SLIT1: variants seen among roughly 807,000 people sequenced by gnomAD.
SLIT1 encodes the protein slit homolog 1 protein.
Under a neutral mutation model 186.1 loss-of-function variants are expected in SLIT1, and 66 were observed. The observed-to-expected ratio is 0.35, with a 90% CI of 0.29 to 0.44. SLIT1 has a LOEUF of 0.44. Ranked by LOEUF, SLIT1 falls within the 20% of genes least tolerant of loss-of-function variation. SLIT1 has a pLI of 1.00. For synonymous variants in SLIT1, 761 were observed against 833.8 expected, an observed-to-expected ratio of 0.91 and a Z score of 1.50; for missense variants, 1,638 against 2,037.4, an observed-to-expected ratio of 0.80 and a Z score of 3.77.
In SLIT1 at chr10:97,065,136, CTA is replaced by C. The variant is rs1491256291; in HGVS notation, c.486-262_486-261del. On this transcript the variant is annotated intron_variant, in intron 5 of 36. Transcript: ENST00000266058. Reference sequence around the variant, plus strand: ...TATCCCCTGGGGAGCAGGCACCCCCCTACACACACACACACACACACACACAC... The same window carrying C: ...TATCCCCTGGGGAGCAGGCACCCCCCCACACACACACACACACACACACAC... Among the ~76,000 whole-genome samples, 10 of 129,906 alleles carry C rather than the reference CTA, an allele frequency of 7.7e-5. 1 individual carries two copies. Among genetic ancestry groups the C allele is most frequent in the African/African-American group, 3.6e-4 (10 of 27,804 alleles). The allele number at this position is 129,906 out of a possible 152,430, so 85.2% of individuals were successfully genotyped here.
Position 97,132,556 on chromosome 10 carries a change from T to C in SLIT1, c.413+25262A>G, listed in dbSNP as rs189873428. ...CTCCCATCCCAGGTTGCCAACCCAG[T>C]CATCAGCCCATTGCCACCACCCTCT... On this transcript the variant is annotated intron_variant, in intron 4 of 36. Transcript: ENST00000266058. Among the ~76,000 whole-genome samples, 321 of 152,216 alleles carry C rather than the reference T, an allele frequency of 2.1e-3. 1 individual carries two copies. The highest frequency in any genetic ancestry group is 0.01 in the Middle Eastern group (3 of 294).
chr10:97,063,637 G>A lies in SLIT1; in HGVS notation c.630-19C>T, dbSNP rs1233296941. Reference sequence around the variant, plus strand: ...CAGGCGGCTGCAAGAGGACAGGATGGCTCACAACCCATCTGGATCCCCCAG... The same window carrying A: ...CAGGCGGCTGCAAGAGGACAGGATGACTCACAACCCATCTGGATCCCCCAG... On this transcript the variant is annotated intron_variant, in intron 7 of 36. Coordinates refer to ENST00000266058, the MANE Select transcript of SLIT1 (RefSeq NM_003061.3). 5.1e-6 allele frequency: 8 copies of A among 1,576,214 alleles called. No individual in the cohort carries two copies. The highest frequency in any genetic ancestry group is 6.0e-6 in the Non-Finnish European group (7 of 1,160,458).
At chr10:97,127,575 G>A (rs561208221) in intron 4 of SLIT1, among the ~76,000 whole-genome samples, 4 of 152,178 alleles carry the variant, frequency 2.6e-5, no homozygotes, top group South Asian at 2.1e-4. Flanking sequence ...CAGGAACCAC[G>A]TCCTCTGGGC....
chr10:97,138,814 A>C (rs1204263565), intron 4 of SLIT1, among the ~76,000 whole-genome samples: 1 of 152,208 alleles, frequency 6.6e-6, no homozygotes, highest in Non-Finnish European at 1.5e-5. Flanking sequence ...TGTGAAATAC[A>C]ATGTTTCACT....
intron 4 of SLIT1, among the ~76,000 whole-genome samples, chr10:97,123,601 C>T (rs1352633162): frequency 2.6e-5 from 4 of 151,988 alleles, no homozygotes; most frequent in Non-Finnish European, 1.5e-5. Context: ...ACCAGCCTGG[C>T]CAACATGTCA....
intron 4 of SLIT1, among the ~76,000 whole-genome samples, chr10:97,146,723 C>G (rs545028977): frequency 6.6e-6 from 1 of 152,318 alleles, no homozygotes; most frequent in Admixed American, 6.5e-5. Flanking sequence ...ATCCATGAAG[C>G]TGGAGCCCAG....
intron 4 of SLIT1, among the ~76,000 whole-genome samples, chr10:97,112,105 C>T (rs1272062061): frequency 6.6e-6 from 1 of 152,218 alleles, no homozygotes; most frequent in African/African-American, 2.4e-5. Context: ...CAAGGCTACA[C>T]AGGCTGTTCC....
rs535510501 is a variant in SLIT1, at chr10:97,043,951, T to C, written c.1854-438A>G. Among the ~76,000 whole-genome samples the C allele has an allele frequency of 2.8e-4, 42 of 152,090 alleles. No individual in the cohort carries two copies. The highest frequency in any genetic ancestry group is 4.6e-4 in the Non-Finnish European group (31 of 67,976). ...CATGCTCGAACTCCTTACTGTGACC[T>C]GAGACCATGTCTACCCAGACCCGGA... On this transcript the variant is annotated intron_variant, in intron 18 of 36. Coordinates refer to ENST00000266058, the MANE Select transcript of SLIT1 (RefSeq NM_003061.3). This position sits in a 1 kb window ranked among gnomAD's most constrained non-coding sequence, Gnocchi z 7.0.
intron 1 of SLIT1, among the ~76,000 whole-genome samples, chr10:97,172,965 A>AAGAG (rs1170851405): frequency 6.6e-6 from 1 of 151,176 alleles, no homozygotes; most frequent in Non-Finnish European, 1.5e-5. Context: ...GAAGTTTAGA[A>AAGAG]AGAGAGAGAG....
rs751984745 is a variant in SLIT1, at chr10:97,164,937, C to A, written c.198-47G>T. The stretch of plus-strand genomic sequence containing the variant: ...GAAGCAGTGGGGTGAGCAGGGTAAG[C>A]CCCCAGGCCAGGGGCCCTGCTCCAG... On this transcript the variant is annotated intron_variant, in intron 1 of 36. Coordinates refer to ENST00000266058, the MANE Select transcript of SLIT1 (RefSeq NM_003061.3). 3 of 1,479,868 alleles carry A rather than the reference C, an allele frequency of 2.0e-6. No homozygotes were observed. The South Asian group carries it at 3.4e-5, about 17-fold the overall frequency. 91.7% of individuals were successfully genotyped at this position (1,479,868 alleles called of 1,614,324 possible). A position where few individuals can be genotyped will look rare whatever the true frequency, so the allele number is the denominator to read the frequency against.
intron 28 of SLIT1, among the ~76,000 whole-genome samples, chr10:97,015,902 G>GA (rs202189474): frequency 2.8e-4 from 43 of 151,470 alleles, no homozygotes; most frequent in Non-Finnish European, 5.6e-4. Context: ...TATTTGGTTA[G>GA]AAAAAAAAGA....
chr10:97,002,174 G>T lies in SLIT1; in HGVS notation c.4350C>A (p.Gly1450=). ...GCCCCTGACCTTGCTCACACAGCTC[G>T]CCCGAAAAGCCGGGGTCACACACAC... ...AHCVCDPGFS[G]ELCEQESECR... The change falls in exon 36 of 37, where the codon GGC becomes GGA. Residue 1450 remains glycine, a synonymous_variant. Transcript: ENST00000266058. 1.3e-6 allele frequency: 2 copies of T among 1,483,468 alleles called. No individual in the cohort carries two copies. Among genetic ancestry groups the T allele is most frequent in the Non-Finnish European group, 1.8e-6 (2 of 1,110,218 alleles). The allele number at this position is 1,483,468 out of a possible 1,614,324, so 91.9% of individuals were successfully genotyped here.
intron 8 of SLIT1, among the ~76,000 whole-genome samples, chr10:97,061,132 G>A (rs972281661): frequency 2.0e-5 from 3 of 152,236 alleles, no homozygotes; most frequent in African/African-American, 4.8e-5. Context: ...TCTCTCCCAT[G>A]AGGGTGATAA....
intron 31 of SLIT1, among the ~76,000 whole-genome samples, chr10:97,007,850 G>A (rs961604818): frequency 3.3e-5 from 5 of 152,154 alleles, no homozygotes; most frequent in Non-Finnish European, 5.9e-5. Context: ...AATAATGAGA[G>A]ACTGAATTTT....
intron 35 of SLIT1, 117 bp from the exon 36 acceptor site, chr10:97,002,486 T>C: frequency 1.3e-6 from 1 of 752,668 alleles, no homozygotes; most frequent in South Asian, 1.9e-5. Context: ...AGGTCTTTAA[T>C]CTGTTCCCAA....
At chr10:97,134,419 GCA>G (rs1445174814) in intron 4 of SLIT1, among the ~76,000 whole-genome samples, 2 of 152,130 alleles carry the variant, frequency 1.3e-5, no homozygotes, top group East Asian at 3.8e-4. Context: ...CCTGGGAAAA[GCA>G]CACACAGTTT....
intron 4 of SLIT1, among the ~76,000 whole-genome samples, chr10:97,130,434 G>A (rs1849642318): frequency 6.6e-6 from 1 of 152,212 alleles, no homozygotes; most frequent in Admixed American, 6.5e-5. Context: ...TAAAAAGGAA[G>A]GACATTCTGA....
At chr10:97,104,264 A>C (rs1425121940) in intron 4 of SLIT1, among the ~76,000 whole-genome samples, 1 of 152,058 alleles carries the variant, frequency 6.6e-6, no homozygotes, top group Non-Finnish European at 1.5e-5. Flanking sequence ...CAAGGTCCAG[A>C]AGCAGGAATA....
At chr10:97,172,877 G>C (rs2817665) in intron 1 of SLIT1, among the ~76,000 whole-genome samples, 110,999 of 151,612 alleles carry the variant, frequency 0.73, 41,481 homozygotes, top group Non-Finnish European at 0.82. Context: ...CTGGGCAAGA[G>C]AGCAAGACCC....
Sources: allele counts gnomAD v4.1 joint callset (sites outside exome capture counted in the v4.1 genomes callset), GRCh38; gene constraint gnomAD v4.1.1; non-coding constraint Gnocchi (gnomAD v3.1); transcripts MANE v1.5; gene names NCBI Gene and HGNC (gene_info 2026-07-23, HGNC 2026-07-21).